Variants in HCN1 observed in about 807,000 individuals in gnomAD.
HCN1 encodes the protein hyperpolarization activated cyclic nucleotide gated potassium channel 1, also known as potassium/sodium hyperpolarization-activated cyclic nucleotide-gated channel 1.
A neutral mutation model predicts 78.9 loss-of-function variants in HCN1; 13 were observed. The observed-to-expected ratio is 0.16, with a 90% confidence interval of 0.11 to 0.26. HCN1 has a LOEUF of 0.26. Among genes scored for constraint, HCN1 ranks in the 10% least tolerant of loss-of-function variants. The pLI, the probability that HCN1 is intolerant of heterozygous loss-of-function variation, is 1.00. For missense variants in HCN1, 810 were observed against 1,154.3 expected, an observed-to-expected ratio of 0.70 and a Z score of 4.32; for synonymous variants, 552 against 455.5, an observed-to-expected ratio of 1.21 and a Z score of -2.70.
intron 2 of HCN1, among the ~76,000 whole-genome samples, chr5:45,580,731 T>C (rs1204189445): frequency 1.3e-5 from 2 of 152,042 alleles, no homozygotes; most frequent in African/African-American, 4.8e-5. Context: ...ATGTTCCTCT[T>C]CCTGTGGCCA....
At chr5:45,338,323 T>C (rs1308734106) in intron 5 of HCN1, among the ~76,000 whole-genome samples, 1 of 152,126 alleles carries the variant, frequency 6.6e-6, no homozygotes, top group African/African-American at 2.4e-5. Context: ...CTCTTAACTA[T>C]ATATTAATGC....
rs529205348 is a variant in HCN1 at position 45,259,816 on chromosome 5, G to A, written c.*2105C>T. 17 of 152,506 alleles carry A rather than the reference G, an allele frequency of 1.1e-4. No homozygotes were observed. The highest frequency in any genetic ancestry group is 4.2e-4 in the South Asian group (2 of 4,818). 9.4% of individuals were successfully genotyped at this position (152,506 alleles called of 1,614,324 possible). A position where few individuals can be genotyped will look rare whatever the true frequency, so the allele number is the denominator to read the frequency against. Reference sequence around the variant, plus strand: ...CTTTAATAATTTAAAGGACCAATACGTAATCTTAATAAATTGAAGTTAATT... The same window carrying A: ...CTTTAATAATTTAAAGGACCAATACATAATCTTAATAAATTGAAGTTAATT... On this transcript the variant is annotated 3_prime_UTR_variant, in exon 8 of 8. Coordinates refer to ENST00000303230, the MANE Select transcript of HCN1 (RefSeq NM_021072.4).
chr5:45,452,800 T>G (rs1335395099), intron 3 of HCN1, among the ~76,000 whole-genome samples: 1 of 152,036 alleles, frequency 6.6e-6, no homozygotes, highest in African/African-American at 2.4e-5. Context: ...TAAAATTTAC[T>G]CATTACTCCA....
intron 2 of HCN1, among the ~76,000 whole-genome samples, chr5:45,556,998 C>T (rs551815373): frequency 4.6e-5 from 7 of 152,096 alleles, no homozygotes; most frequent in African/African-American, 7.2e-5. Flanking sequence ...CATAAAATTT[C>T]GATTTCCGTT....
chr5:45,501,803 T>C (rs763676290), intron 2 of HCN1, among the ~76,000 whole-genome samples: 10 of 152,160 alleles, frequency 6.6e-5, no homozygotes, highest in Non-Finnish European at 1.3e-4. Context: ...CCTTTGATTA[T>C]GTGCTCCTTT....
At chr5:45,471,529 T>G (rs901612869) in intron 2 of HCN1, among the ~76,000 whole-genome samples, 1 of 151,948 alleles carries the variant, frequency 6.6e-6, no homozygotes, top group Non-Finnish European at 1.5e-5. Context: ...ACGAGTTCCT[T>G]GCATTTGTTT....
intron 2 of HCN1, among the ~76,000 whole-genome samples, chr5:45,526,046 C>A (rs1742730715): frequency 6.6e-6 from 1 of 151,922 alleles, no homozygotes; most frequent in Admixed American, 6.6e-5. Context: ...CTCACCAGAA[C>A]CTCACCATGT....
chr5:45,427,725 G>T (rs992250621), intron 3 of HCN1, among the ~76,000 whole-genome samples: 1 of 151,996 alleles, frequency 6.6e-6, no homozygotes. Flanking sequence ...GCTTTTATTT[G>T]TTCTTGTGCT....
At chr5:45,578,071 T>G (rs1743985602) in intron 2 of HCN1, among the ~76,000 whole-genome samples, 1 of 151,930 alleles carries the variant, frequency 6.6e-6, no homozygotes, top group African/African-American at 2.4e-5. Flanking sequence ...ATTAAACAAC[T>G]GAGAGGAAGG....
At chr5:45,406,355 C>A (rs1739919098) in intron 3 of HCN1, among the ~76,000 whole-genome samples, 1 of 152,128 alleles carries the variant, frequency 6.6e-6, no homozygotes, top group Admixed American at 6.6e-5. Context: ...AATATAAAGC[C>A]AGCATAGAAG....
intron 2 of HCN1, among the ~76,000 whole-genome samples, chr5:45,580,653 A>G (rs1744046168): frequency 6.6e-6 from 1 of 151,886 alleles, no homozygotes; most frequent in Non-Finnish European, 1.5e-5. Flanking sequence ...TCGTCATTTA[A>G]TATTAGGTAT....
At chr5:45,673,819 CA>C (rs1179979842) in intron 1 of HCN1, among the ~76,000 whole-genome samples, 2 of 151,596 alleles carry the variant, frequency 1.3e-5, no homozygotes, top group African/African-American at 2.4e-5. Context: ...AAGAAAGGCA[CA>C]GCAGAATCAT....
chr5:45,547,554 T>C (rs1443758181), intron 2 of HCN1, among the ~76,000 whole-genome samples: 2 of 151,904 alleles, frequency 1.3e-5, no homozygotes, highest in Admixed American at 1.3e-4. Context: ...ACCTATCCTC[T>C]TCATATGAGT....
chr5:45,435,025 A>G (rs1398134761), intron 3 of HCN1, among the ~76,000 whole-genome samples: 1 of 152,062 alleles, frequency 6.6e-6, no homozygotes, highest in Non-Finnish European at 1.5e-5. Flanking sequence ...CACAAAGTCA[A>G]AGCTAATTAA....
At chr5:45,398,011 A>T (rs1579867960) in intron 3 of HCN1, among the ~76,000 whole-genome samples, 1 of 151,798 alleles carries the variant, frequency 6.6e-6, no homozygotes, top group African/African-American at 2.4e-5. Context: ...TTTAAAAATG[A>T]TCTTTCTATT....
At chr5:45,395,059 T>C (rs1739661467) in intron 4 of HCN1, among the ~76,000 whole-genome samples, 2 of 152,140 alleles carry the variant, frequency 1.3e-5, no homozygotes, top group Admixed American at 1.3e-4. Context: ...AACATAAACT[T>C]TGTGAACTTA....
At chr5:45,327,994 C>T (rs1425406881) in intron 5 of HCN1, among the ~76,000 whole-genome samples, 3 of 151,636 alleles carry the variant, frequency 2.0e-5, no homozygotes, top group Non-Finnish European at 4.4e-5. Context: ...GCAAGTTAGG[C>T]TGGTCAAAAT....
At chr5:45,334,069 T>C (rs1746401931) in intron 5 of HCN1, among the ~76,000 whole-genome samples, 1 of 151,850 alleles carries the variant, frequency 6.6e-6, no homozygotes, top group Admixed American at 6.6e-5. Flanking sequence ...TTCTCCAAGA[T>C]CACTTAAAAT....
At chr5:45,372,371 T>A (rs1404684778) in intron 4 of HCN1, among the ~76,000 whole-genome samples, 1 of 108,734 alleles carries the variant, frequency 9.2e-6, no homozygotes, top group Non-Finnish European at 1.6e-5. Flanking sequence ...ATATAAAACA[T>A]ATATATTATA....
Sources: allele counts gnomAD v4.1 joint callset (sites outside exome capture counted in the v4.1 genomes callset), GRCh38; gene constraint gnomAD v4.1.1; transcripts MANE v1.5; gene names NCBI Gene and HGNC (gene_info 2026-07-23, HGNC 2026-07-21).